Variants in CLN8 observed in about 807,000 individuals in gnomAD.
CLN8 encodes the protein CLN8 transmembrane ER and ERGIC protein.
A neutral mutation model predicts 15.7 loss-of-function variants in CLN8; 14 were observed. The observed-to-expected ratio is 0.89, with a 90% confidence interval of 0.59 to 1.39. The LOEUF (loss-of-function observed/expected upper bound fraction) is 1.39, where lower values mean the gene tolerates loss of function less well. Among genes scored for constraint, CLN8 ranks in the 40% most tolerant of loss-of-function variants. The probability of loss-of-function intolerance (pLI) is 0.00; values close to 1 mark genes in which losing one functional copy is unlikely to be tolerated. For synonymous variants in CLN8, 188 were observed against 151.0 expected, an observed-to-expected ratio of 1.25 and a Z score of -1.80; for missense variants, 415 against 364.0, an observed-to-expected ratio of 1.14 and a Z score of -1.14.
rs386834135 is a variant in CLN8, at chr8:1,780,338, TGTG to T, written c.637_639del (p.Trp213del). 1 of 1,614,218 alleles carries T rather than the reference TGTG, an allele frequency of 6.2e-7. No individual in the cohort carries two copies. Among genetic ancestry groups the T allele is most frequent in the African/African-American group, 1.3e-5 (1 of 75,048 alleles). On this transcript the variant is annotated inframe_deletion, in exon 3 of 3. Coordinates refer to ENST00000331222, the MANE Select transcript of CLN8 (RefSeq NM_018941.4). ...TGCCGCATGGTTCTAACCTACCACA[TGTG>T]GTGGGTGTGTTTCTGGCACTGGGAC...
chr8:1,774,653 A>G (rs867673249), intron 2 of CLN8, among the ~76,000 whole-genome samples: 11 of 152,288 alleles, frequency 7.2e-5, no homozygotes, highest in South Asian at 4.1e-4. Flanking sequence ...TGGTTCTACT[A>G]TTTATCCACA....
chr8:1,757,531 C>T (rs903081900), intron 1 of CLN8, among the ~76,000 whole-genome samples: 2 of 152,192 alleles, frequency 1.3e-5, no homozygotes, highest in African/African-American at 2.4e-5. Context: ...ACCTCTGCCT[C>T]CCAGGTTCAT....
rs760217820 is a variant in CLN8, at chr8:1,772,022, G to A, written c.543+425G>A. Among the ~76,000 whole-genome samples, 42 of 151,778 alleles carry A rather than the reference G, an allele frequency of 2.8e-4. 1 individual carries two copies. Among genetic ancestry groups the A allele is most frequent in the Admixed American group, 2.0e-3 (31 of 15,196 alleles). On this transcript the variant is annotated intron_variant, in intron 2 of 2. Coordinates refer to ENST00000331222, the MANE Select transcript of CLN8 (RefSeq NM_018941.4). ...ATGGTTTCGGCTCACTGCAACCTCC[G>A]CCTCCTGGGTTCAAGTGATTCTCCT...
intron 1 of CLN8, among the ~76,000 whole-genome samples, chr8:1,765,587 T>C (rs182041227): frequency 9.5e-4 from 145 of 152,334 alleles, no homozygotes; most frequent in African/African-American, 3.3e-3. Context: ...TCAGGTTATA[T>C]TTCAGTCATT....
intron 2 of CLN8, among the ~76,000 whole-genome samples, chr8:1,775,106 G>A (rs1166761690): frequency 6.6e-6 from 1 of 151,772 alleles, no homozygotes; most frequent in East Asian, 1.9e-4. Flanking sequence ...ACCAACTGTG[G>A]ATCAAAAATA....
In CLN8 at chr8:1,785,734, A is replaced by T. The variant is rs1436725633; in HGVS notation, c.*5167A>T. 5 of 160,134 alleles carry T rather than the reference A, an allele frequency of 3.1e-5. No homozygotes were observed. The highest frequency in any genetic ancestry group is 1.2e-4 in the African/African-American group (5 of 40,318). The allele number at this position is 160,134 out of a possible 1,614,324, so 9.9% of individuals were successfully genotyped here. A position where few individuals can be genotyped will look rare whatever the true frequency, so the allele number is the denominator to read the frequency against. On this transcript the variant is annotated 3_prime_UTR_variant, in exon 3 of 3. Transcript: ENST00000331222. ...ACAGGCTGCGTGGGGTTAGACAGGT[A>T]CCGGTCAGATTACGGTGGCACAGGC...
chr8:1,779,677 TC>T lies in CLN8; in HGVS notation c.544-572del, dbSNP rs368244527. On this transcript the variant is annotated intron_variant, in intron 2 of 2. Transcript: ENST00000331222. The stretch of plus-strand genomic sequence containing the variant: ...AGTTTTGGAGGCTGCAAGTCTGAGA[TC>T]AAGGCACCAGCAGATTCATGTCTGG... 1.9e-4 allele frequency among the ~76,000 whole-genome samples: 29 copies of T among 152,334 alleles called. No homozygotes were observed. The East Asian group carries it at 3.9e-3, about 20-fold the overall frequency.
At chr8:1,753,622 C>G (rs1248133915), upstream of CLN8, among the ~76,000 whole-genome samples, 2 of 73,080 alleles carry the variant, frequency 2.7e-5, no homozygotes, top group South Asian at 1.1e-3. Context: ...TGTAGTGGCT[C>G]ACACCTGTAA....
upstream of CLN8, among the ~76,000 whole-genome samples, chr8:1,753,512 A>G (rs886515251): frequency 6.8e-6 from 1 of 148,070 alleles, no homozygotes; most frequent in Admixed American, 6.9e-5. Context: ...TGGAGGTTGC[A>G]GTGAGCCAAG....
chr8:1,779,839 C>T, intron 2 of CLN8: 1 of 493,856 alleles, frequency 2.0e-6, no homozygotes, highest in South Asian at 8.7e-5. Context: ...CTCATCACTT[C>T]CCAGGGTCTA....
upstream of CLN8, among the ~76,000 whole-genome samples, chr8:1,755,498 C>T (rs554865234): frequency 1.3e-5 from 2 of 152,228 alleles, no homozygotes; most frequent in African/African-American, 4.8e-5. Context: ...GTGCCTCCCC[C>T]CGTTCTACCC....
intron 1 of CLN8, chr8:1,756,118 C>G (rs1800663812): frequency 6.6e-6 from 1 of 152,144 alleles, no homozygotes. Flanking sequence ...ACAAATACAC[C>G]ACTTCCCTGT....
upstream of CLN8, among the ~76,000 whole-genome samples, chr8:1,761,512 A>G (rs1400539714): frequency 2.6e-5 from 4 of 152,128 alleles, no homozygotes; most frequent in African/African-American, 9.7e-5. Context: ...TTTAGTAGAG[A>G]CGGGGTTTTG....
upstream of CLN8, chr8:1,758,881 T>G (rs1392447403): frequency 6.6e-6 from 1 of 152,218 alleles, no homozygotes; most frequent in Non-Finnish European, 1.5e-5. Context: ...GACTCTTAGT[T>G]AAATCTCTCC....
intron 1 of CLN8, among the ~76,000 whole-genome samples, chr8:1,770,123 G>A (rs918646802): frequency 6.6e-6 from 1 of 152,188 alleles, no homozygotes; most frequent in Non-Finnish European, 1.5e-5. Context: ...TGCATCAGGA[G>A]CTTGTAGCAA....
In CLN8 at chr8:1,780,601, G is replaced by C. The variant is rs770660481; in HGVS notation, c.*34G>C. 2.5e-6 allele frequency: 4 copies of C among 1,604,338 alleles called. No homozygotes were observed. Among genetic ancestry groups the C allele is most frequent in the African/African-American group, 2.7e-5 (2 of 74,720 alleles). On this transcript the variant is annotated 3_prime_UTR_variant, in exon 3 of 3. Transcript: ENST00000331222. ...GCCGGGGCTCCGGGGCGGCAGCAGA[G>C]CTGGCACACCGATTCTGGGAAGCCC...
chr8:1,753,302 G>A (rs1397733075), upstream of CLN8, among the ~76,000 whole-genome samples: 1 of 96,138 alleles, frequency 1.0e-5, no homozygotes, highest in Non-Finnish European at 2.4e-5. Flanking sequence ...TGGGCGCGGT[G>A]GCTCATGCCT....
Position 1,780,967 on chromosome 8 carries a change from G to C in CLN8, c.*400G>C, listed in dbSNP as rs1009480540. The C allele has an allele frequency of 3.4e-5, 8 of 234,738 alleles. No homozygotes were observed. Among genetic ancestry groups the C allele is most frequent in the African/African-American group, 1.4e-4 (6 of 44,218 alleles). 14.5% of individuals were successfully genotyped at this position (234,738 alleles called of 1,614,324 possible). ...TTCCAGCTGCACACTCATATGCCGT[G>C]TGTCTTATTCAGAAGTCACATTCTT... On this transcript the variant is annotated 3_prime_UTR_variant, in exon 3 of 3. Transcript: ENST00000331222.
At chr8:1,762,693 C>T (rs1800829640), upstream of CLN8, 1 of 152,196 alleles carries the variant, frequency 6.6e-6, no homozygotes. Flanking sequence ...CCTATTTAAT[C>T]CCCAAAACAG....
Sources: allele counts gnomAD v4.1 joint callset (sites outside exome capture counted in the v4.1 genomes callset), GRCh38; gene constraint gnomAD v4.1.1; transcripts MANE v1.5; gene names NCBI Gene and HGNC (gene_info 2026-07-23, HGNC 2026-07-21).